Variants in MYOM3 observed in about 807,000 individuals in gnomAD.
MYOM3 encodes myomesin-3.
In MYOM3, 155 loss-of-function variants were observed where a neutral mutation model predicts 191.7. The ratio of observed to expected loss-of-function variants is 0.81; its 90% CI spans 0.71 to 0.92. MYOM3 has a LOEUF of 0.92. MYOM3 is among the 40% of genes least tolerant of loss of function. The pLI is 0.00. For missense variants in MYOM3, 1,889 were observed against 1,890.6 expected, an observed-to-expected ratio of 1.00 and a Z score of 0.02; for synonymous variants, 757 against 762.9, an observed-to-expected ratio of 0.99 and a Z score of 0.13.
At chr1:24,092,753 G>A (rs1044915600) in intron 10 of MYOM3, among the ~76,000 whole-genome samples, 194 bp downstream of exon 10, 2 of 152,134 alleles carry the variant, frequency 1.3e-5, no homozygotes, top group East Asian at 1.9e-4. Flanking sequence ...GCTAACTCTC[G>A]GGCCATGTCC....
At chr1:24,108,339 G>T in intron 2 of MYOM3, 137 bp downstream of exon 2, 1 of 992,476 alleles carries the variant, frequency 1.0e-6, no homozygotes, top group Non-Finnish European at 1.4e-6. Flanking sequence ...TCCCCCCTCA[G>T]ACAGGGGGTT....
intron 10 of MYOM3, among the ~76,000 whole-genome samples, 176 bp from the exon 11 acceptor site, chr1:24,092,491 G>A (rs577949229): frequency 1.3e-5 from 2 of 152,288 alleles, no homozygotes; most frequent in East Asian, 3.9e-4. Flanking sequence ...CTGAGGGAAG[G>A]ATGACAGTAC....
chr1:24,065,347 G>A (rs1643420696), intron 29 of MYOM3, among the ~76,000 whole-genome samples: 1 of 152,234 alleles, frequency 6.6e-6, no homozygotes, highest in Admixed American at 6.5e-5. Context: ...AGCAAGCCTT[G>A]TGTTTCTCTC....
Position 24,062,004 on chromosome 1 carries a change from A to G in MYOM3, c.3876T>C (p.Thr1292=). 6.2e-7 allele frequency: 1 copy of G among 1,614,116 alleles called. No homozygotes were observed. Among genetic ancestry groups the G allele is most frequent in the Non-Finnish European group, 8.5e-7 (1 of 1,180,024 alleles). Residue 1292 remains threonine, a synonymous_variant, in exon 33 of 37, where the codon ACT becomes ACC. Transcript: ENST00000374434. ...CTTCCTTCCCTGCAGCTATTTCCAG[A>G]GTGTATTTGCCCTTGTCTGAGTCTT... ...DPKDSDKGKY[T]LEIAAGKEVR...
intron 15 of MYOM3, among the ~76,000 whole-genome samples, chr1:24,086,322 A>AG (rs1173173162): frequency 2.0e-5 from 3 of 152,080 alleles, no homozygotes; most frequent in Admixed American, 6.6e-5. Flanking sequence ...TGCAGGATCT[A>AG]GGGGCAGGCC....
At chr1:24,058,126 G>T (rs768380944) in intron 36 of MYOM3, among the ~76,000 whole-genome samples, 7 of 152,076 alleles carry the variant, frequency 4.6e-5, no homozygotes, top group Non-Finnish European at 1.0e-4. Flanking sequence ...CTTTCTACAG[G>T]AATACTTACC....
At chr1:24,065,118 CTG>C (rs1414072719) in intron 29 of MYOM3, among the ~76,000 whole-genome samples, 4 of 152,222 alleles carry the variant, frequency 2.6e-5, no homozygotes, top group African/African-American at 7.2e-5. Flanking sequence ...TAATAAAACT[CTG>C]TAACTTTGAA....
chr1:24,065,794 G>T, intron 29 of MYOM3, 97 bp downstream of exon 29: 1 of 907,130 alleles, frequency 1.1e-6, no homozygotes, highest in Non-Finnish European at 1.9e-6. Flanking sequence ...CATCAACCTA[G>T]CCTCGGCCCT....
rs760524137 is a variant in MYOM3, at chr1:24,071,270, G to A, written c.3014-17C>T. ...GTTTGATCACTGGGAGGCGCAGGACGGGAAGGGGGTGGGTTGGACCCCTTC... is the reference window on the plus strand; with the variant it reads ...GTTTGATCACTGGGAGGCGCAGGACAGGAAGGGGGTGGGTTGGACCCCTTC... On this transcript the variant is annotated splice_polypyrimidine_tract_variant and intron_variant, in intron 24 of 36. Transcript: ENST00000374434. 53 of 1,604,340 alleles carry A rather than the reference G, an allele frequency of 3.3e-5. No individual in the cohort carries two copies. Among genetic ancestry groups the A allele is most frequent in the Middle Eastern group, 1.7e-4 (1 of 5,854 alleles).
intron 18 of MYOM3, chr1:24,081,767 T>A: frequency 1.7e-6 from 1 of 594,678 alleles, no homozygotes; most frequent in Non-Finnish European, 2.9e-6. Context: ...TTTGAACATG[T>A]TGCAGACTGG....
chr1:24,073,409 G>A (rs555793278), intron 23 of MYOM3, among the ~76,000 whole-genome samples: 4 of 152,290 alleles, frequency 2.6e-5, no homozygotes, highest in East Asian at 1.9e-4. Flanking sequence ...TCCTTTAGAC[G>A]TGGTATTCAC....
chr1:24,071,819 TG>T, intron 24 of MYOM3, 149 bp downstream of exon 24: 1 of 783,474 alleles, frequency 1.3e-6, no homozygotes, highest in Non-Finnish European at 2.2e-6. Context: ...GCTTCCCGAG[TG>T]GTCCCTGACC....
rs1466911882 is a variant in MYOM3 at position 24,067,981 on chromosome 1, T to C, written c.3344A>G (p.Lys1115Arg). The C allele has an allele frequency of 1.1e-5, 17 of 1,614,060 alleles. No individual in the cohort carries two copies. Among genetic ancestry groups the C allele is most frequent in the Non-Finnish European group, 1.3e-5 (15 of 1,179,994 alleles). ...RKADAKRRDW[K>R]RKQGPYFERP... Reference sequence around the variant, plus strand: ...CCAGCAGCTCTTACCCTGTTTTCTCTTCCAGTCCCTTCTCTTAGCATCTGC... The same window carrying C: ...CCAGCAGCTCTTACCCTGTTTTCTCCTCCAGTCCCTTCTCTTAGCATCTGC... The change falls in exon 27 of 37, where the codon AAG becomes AGG. Residue 1115 changes from lysine (K) to arginine (R), a missense_variant. Lys to Arg is a conservative substitution (Grantham distance 26). Coordinates refer to ENST00000374434, the MANE Select transcript of MYOM3 (RefSeq NM_152372.4).
At chr1:24,077,845 G>A (rs1385708927) in intron 20 of MYOM3, among the ~76,000 whole-genome samples, 1 of 152,210 alleles carries the variant, frequency 6.6e-6, no homozygotes, top group African/African-American at 2.4e-5. Flanking sequence ...ACCTACATGC[G>A]GAGGGGGCGA....
chr1:24,103,409 T>C (rs1570887535), intron 5 of MYOM3, among the ~76,000 whole-genome samples: 1 of 152,380 alleles, frequency 6.6e-6, no homozygotes, highest in East Asian at 1.9e-4. Context: ...TCTTGATTGC[T>C]CCTGGCCTGA....
intron 23 of MYOM3, among the ~76,000 whole-genome samples, chr1:24,072,466 A>G (rs1643543719): frequency 6.6e-6 from 1 of 152,092 alleles, no homozygotes; most frequent in Non-Finnish European, 1.5e-5. Flanking sequence ...CACACCGAGC[A>G]CTGCAGCCCA....
At chr1:24,100,439 A>G (rs1445298923) in intron 5 of MYOM3, among the ~76,000 whole-genome samples, 1 of 152,148 alleles carries the variant, frequency 6.6e-6, no homozygotes, top group Admixed American at 6.5e-5. Context: ...AGCCATCCCC[A>G]GGGGCACCCT....
At chr1:24,104,475 ATTTCT>A (rs535736953) in intron 5 of MYOM3, among the ~76,000 whole-genome samples, 102 of 151,860 alleles carry the variant, frequency 6.7e-4, no homozygotes, top group African/African-American at 2.0e-3. Flanking sequence ...GTGTCTGGTT[ATTTCT>A]TTTCTTTTTT....
At chr1:24,073,853 A>G (rs1357263502) in intron 23 of MYOM3, among the ~76,000 whole-genome samples, 1 of 127,740 alleles carries the variant, frequency 7.8e-6, no homozygotes, top group Non-Finnish European at 1.6e-5. Context: ...ACAGAGCGAG[A>G]CTCCGTCTAA....
Sources: allele counts gnomAD v4.1 joint callset (sites outside exome capture counted in the v4.1 genomes callset), GRCh38; gene constraint gnomAD v4.1.1; transcripts MANE v1.5; gene names NCBI Gene and HGNC (gene_info 2026-07-23, HGNC 2026-07-21).